The following TTLL11 variants were observed in gnomAD, a reference collection of about 807,000 sequenced individuals.
TTLL11 encodes tubulin tyrosine ligase like 11, also known as tubulin polyglutamylase TTLL11.
A neutral mutation model predicts 51.7 loss-of-function variants in TTLL11; 42 were observed. That is an observed-to-expected ratio of 0.81 (90% CI 0.64 to 1.05). The LOEUF (loss-of-function observed/expected upper bound fraction) is 1.05. Among genes scored for constraint, TTLL11 ranks in the 50% least tolerant of loss-of-function variants. The pLI, the probability that TTLL11 is intolerant of heterozygous loss-of-function variation, is 0.00. For missense variants in TTLL11, 799 were observed against 940.4 expected (o/e 0.85, Z 1.97); for synonymous variants, 381 against 383.5 (o/e 0.99, Z 0.08).
intron 6 of TTLL11, among the ~76,000 whole-genome samples, chr9:121,971,771 G>T (rs548924608): frequency 2.9e-5 from 3 of 103,788 alleles, no homozygotes; most frequent in Non-Finnish European, 7.2e-5. Flanking sequence ...AGAAAATGTG[G>T]CATATATACA....
chr9:121,978,449 CTTTA>C (rs143223546), intron 4 of TTLL11, among the ~76,000 whole-genome samples: 71,827 of 147,304 alleles, frequency 0.49, 18,575 homozygotes, highest in East Asian at 0.71. Flanking sequence ...AAGGAAAAAG[CTTTA>C]TTTATTTATT....
At chr9:121,914,441 T>C (rs1467830599) in intron 6 of TTLL11, among the ~76,000 whole-genome samples, 1 of 152,214 alleles carries the variant, frequency 6.6e-6, no homozygotes, top group Non-Finnish European at 1.5e-5. Flanking sequence ...GGAATGACGG[T>C]TGATGAAGAT....
chr9:122,001,439 C>T (rs1843464013), intron 3 of TTLL11, among the ~76,000 whole-genome samples: 1 of 146,330 alleles, frequency 6.8e-6, no homozygotes, highest in Admixed American at 7.3e-5. Flanking sequence ...AAATAAGGAT[C>T]TGAGACTGAG....
Position 122,092,889 on chromosome 9 carries a change from G to T in TTLL11, c.260C>A (p.Thr87Lys), listed in dbSNP as rs1281797382. The T allele has an allele frequency of 1.3e-6, 2 of 1,568,690 alleles. No homozygotes were observed. Among genetic ancestry groups the T allele is most frequent in the Non-Finnish European group, 8.6e-7 (1 of 1,165,510 alleles). The stretch of plus-strand genomic sequence containing the variant: ...CGGCTTCGGCTTGGACGGGGGCAGC[G>T]TGGGCGGCGGCCGCTGAAGGACCTG... ...NTQVLQRPPP[T>K]LPPSKPKPVQ... Residue 87 changes from threonine (T) to lysine (K), a missense_variant, in exon 1 of 9, where the codon ACG becomes AAG. Physicochemically the swap from Thr to Lys is moderately conservative, Grantham distance 78 (BLOSUM62 -1). This residue lies in a region of TTLL11 where 166 missense variants were observed against 161.6 expected (regional missense o/e 1.03). Transcript: ENST00000321582.
chr9:122,019,888 C>G (rs1048590932), intron 3 of TTLL11, among the ~76,000 whole-genome samples: 2 of 152,364 alleles, frequency 1.3e-5, no homozygotes, highest in South Asian at 2.1e-4. Flanking sequence ...CTCACAAGAT[C>G]TGACTGTTTT....
At chr9:121,917,335 C>T (rs1016507140) in intron 6 of TTLL11, among the ~76,000 whole-genome samples, 3 of 151,702 alleles carry the variant, frequency 2.0e-5, no homozygotes, top group Admixed American at 6.6e-5. Flanking sequence ...ATTAGCCAGG[C>T]AGTGCATACC....
chr9:121,893,680 T>G (rs368522080), intron 6 of TTLL11, among the ~76,000 whole-genome samples: 1 of 152,268 alleles, frequency 6.6e-6, no homozygotes, highest in East Asian at 1.9e-4. Flanking sequence ...TTCCTCTGCC[T>G]GTATCTGCTG....
intron 6 of TTLL11, among the ~76,000 whole-genome samples, chr9:121,889,644 G>A (rs1839144472): frequency 6.6e-6 from 1 of 152,218 alleles, no homozygotes; most frequent in African/African-American, 2.4e-5. Flanking sequence ...GCTCACGCCT[G>A]TAATCCCAGC....
intron 8 of TTLL11, among the ~76,000 whole-genome samples, chr9:121,837,999 GCT>G (rs969922511): frequency 3.3e-5 from 5 of 151,956 alleles, no homozygotes; most frequent in Non-Finnish European, 7.4e-5. Flanking sequence ...GCCCCACAGG[GCT>G]CTCTCTCTCG....
intron 6 of TTLL11, among the ~76,000 whole-genome samples, chr9:121,891,914 G>A (rs897355339): frequency 1.3e-5 from 2 of 148,772 alleles, no homozygotes; most frequent in Non-Finnish European, 3.0e-5. Flanking sequence ...ATATATATAC[G>A]TGTGTGTATA....
intron 6 of TTLL11, among the ~76,000 whole-genome samples, chr9:121,920,261 C>A (rs535075063): frequency 6.6e-6 from 1 of 152,134 alleles, no homozygotes; most frequent in Non-Finnish European, 1.5e-5. Context: ...CAAGATTGCA[C>A]GACTGCACTC....
At chr9:121,851,791 C>T (rs1473749595) in intron 8 of TTLL11, among the ~76,000 whole-genome samples, 4 of 152,208 alleles carry the variant, frequency 2.6e-5, no homozygotes, top group South Asian at 4.1e-4. Context: ...AAACAATTTA[C>T]TGCCTGCTCC....
At chr9:121,985,503 A>ATTT (rs1842919124) in intron 4 of TTLL11, among the ~76,000 whole-genome samples, 11 of 134,358 alleles carry the variant, frequency 8.2e-5, no homozygotes, top group African/African-American at 1.4e-4. Context: ...AAAGGATACC[A>ATTT]TTTTCTTTTC....
intron 4 of TTLL11, among the ~76,000 whole-genome samples, chr9:121,978,288 A>T (rs1325202767): frequency 6.6e-6 from 1 of 152,156 alleles, no homozygotes; most frequent in Non-Finnish European, 1.5e-5. Flanking sequence ...ATCTTGTCAT[A>T]AAATCACAGA....
At chr9:121,833,147 G>A (rs1837075685) in intron 8 of TTLL11, among the ~76,000 whole-genome samples, 1 of 152,176 alleles carries the variant, frequency 6.6e-6, no homozygotes, top group South Asian at 2.1e-4. Flanking sequence ...TACCTGCCCT[G>A]TATGCCACAA....
chr9:122,082,460 C>T (rs1302685487), intron 1 of TTLL11, among the ~76,000 whole-genome samples: 1 of 145,832 alleles, frequency 6.9e-6, no homozygotes, highest in African/African-American at 2.6e-5. Context: ...CAACATAGTG[C>T]CATTGCACTC....
chr9:122,066,279 T>C (rs1471535411), intron 1 of TTLL11, among the ~76,000 whole-genome samples: 2 of 152,096 alleles, frequency 1.3e-5, no homozygotes, highest in Non-Finnish European at 2.9e-5. Flanking sequence ...TTAGTGATAA[T>C]AATGTCATCC....
In TTLL11 at chr9:121,873,832, T is replaced by TTTTA. The variant is rs961189595; in HGVS notation, c.1482-3085_1482-3084insTAAA. On this transcript the variant is annotated intron_variant, in intron 6 of 8. Coordinates refer to ENST00000321582, the MANE Select transcript of TTLL11 (RefSeq NM_001139442.2). ...AGGTGTGCACCACCATTAGCCTGAC[T>TTTTA]TTTTTTTTTTTTTTTTTTTTTTGAG... Among the ~76,000 whole-genome samples the TTTTA allele has an allele frequency of 7.0e-5, 3 of 42,670 alleles. No individual in the cohort carries two copies. In the African/African-American group the frequency reaches 7.3e-4, roughly 10 times the overall value. 28.0% of individuals were successfully genotyped at this position (42,670 alleles called of 152,430 possible).
chr9:121,952,444 C>CAA (rs67882979), intron 6 of TTLL11, among the ~76,000 whole-genome samples: 22,851 of 121,338 alleles, frequency 0.19, 2,017 homozygotes, highest in Non-Finnish European at 0.2. Flanking sequence ...GACTCCGCCT[C>CAA]AAAAAAAAAA....
Sources: gnomAD v4.1 joint callset for allele counts (sites outside exome capture counted in the v4.1 genomes callset) on GRCh38, gnomAD v4.1.1 for gene constraint, gnomAD v4.1.1 regional missense constraint, MANE v1.5 for transcripts, NCBI Gene and HGNC (gene_info 2026-07-23, HGNC 2026-07-21) for gene names.